GRM8: variants seen among roughly 807,000 people sequenced by gnomAD.
The protein encoded by GRM8 is metabotropic glutamate receptor 8.
Under a neutral mutation model 87.2 loss-of-function variants are expected in GRM8, and 47 were observed. That is an observed-to-expected ratio of 0.54 (90% CI 0.43 to 0.69). The LOEUF (loss-of-function observed/expected upper bound fraction) is 0.69, where lower values mean the gene tolerates loss of function less well. Ranked by LOEUF, GRM8 falls within the 30% of genes least tolerant of loss-of-function variation. The probability of loss-of-function intolerance (pLI) is 0.00; values close to 1 mark genes in which losing one functional copy is unlikely to be tolerated. For synonymous variants in GRM8, 396 were observed against 404.5 expected (o/e 0.98, Z 0.25); for missense variants, 1,019 against 1,139.2 (o/e 0.89, Z 1.52).
At chr7:126,492,878 T>C (rs1808197129) in intron 9 of GRM8, among the ~76,000 whole-genome samples, 1 of 152,010 alleles carries the variant, frequency 6.6e-6, no homozygotes. Context: ...ACACATGATA[T>C]ATGCATTTGA....
chr7:126,829,933 G>A (rs370109705), intron 6 of GRM8, among the ~76,000 whole-genome samples: 3 of 152,054 alleles, frequency 2.0e-5, no homozygotes, highest in Non-Finnish European at 4.4e-5. Context: ...GCTTGTCTGT[G>A]AAGTATTTTA....
intron 3 of GRM8, among the ~76,000 whole-genome samples, chr7:127,026,112 T>G (rs1024800128): frequency 1.3e-5 from 2 of 152,158 alleles, no homozygotes. Flanking sequence ...CTTGGTTTTC[T>G]GTCCTTGTGA....
At chr7:126,785,324 T>G (rs868273204) in intron 6 of GRM8, among the ~76,000 whole-genome samples, 1 of 152,194 alleles carries the variant, frequency 6.6e-6, no homozygotes, top group Non-Finnish European at 1.5e-5. Flanking sequence ...TTTATGCTTC[T>G]ACTTCCTTAT....
intron 9 of GRM8, among the ~76,000 whole-genome samples, chr7:126,471,144 T>G (rs1805162831): frequency 6.6e-6 from 1 of 151,848 alleles, no homozygotes; most frequent in Non-Finnish European, 1.5e-5. Flanking sequence ...GTGGGTTGCC[T>G]GTTCACTCTG....
intron 3 of GRM8, among the ~76,000 whole-genome samples, chr7:127,039,161 A>C (rs1348744116): frequency 6.6e-6 from 1 of 152,228 alleles, no homozygotes; most frequent in African/African-American, 2.4e-5. Context: ...CTAAACATTC[A>C]TATGTTGAAG....
At chr7:126,706,259 T>A (rs1307086611) in intron 7 of GRM8, among the ~76,000 whole-genome samples, 1 of 152,078 alleles carries the variant, frequency 6.6e-6, no homozygotes, top group Non-Finnish European at 1.5e-5. Context: ...ATAAATACAA[T>A]TTGATATAAA....
intron 6 of GRM8, among the ~76,000 whole-genome samples, chr7:126,852,500 T>C (rs988514820): frequency 1.3e-5 from 2 of 152,184 alleles, no homozygotes; most frequent in African/African-American, 4.8e-5. Flanking sequence ...TTTATCCTAA[T>C]TAAATTATCC....
At chr7:126,892,194 C>A (rs1171866374) in intron 6 of GRM8, among the ~76,000 whole-genome samples, 1 of 151,322 alleles carries the variant, frequency 6.6e-6, no homozygotes, top group Non-Finnish European at 1.5e-5. Flanking sequence ...GCACAATGTG[C>A]AGGTTATTTA....
At chr7:127,111,512 G>A (rs1826347429) in intron 2 of GRM8, among the ~76,000 whole-genome samples, 1 of 151,960 alleles carries the variant, frequency 6.6e-6, no homozygotes, top group Non-Finnish European at 1.5e-5. Context: ...CCTTTTTCAT[G>A]ATCCTCCCTC....
chr7:126,785,312 C>A (rs187736805), intron 6 of GRM8, among the ~76,000 whole-genome samples: 1 of 152,080 alleles, frequency 6.6e-6, no homozygotes, highest in African/African-American at 2.4e-5. Context: ...TTTAGAAGAG[C>A]CTTTATGCTT....
At chr7:126,545,794 G>A (rs1477705287) in intron 8 of GRM8, among the ~76,000 whole-genome samples, 1 of 151,962 alleles carries the variant, frequency 6.6e-6, no homozygotes, top group Non-Finnish European at 1.5e-5. Flanking sequence ...CTCCCTAATG[G>A]CAATTCTGCA....
intron 9 of GRM8, among the ~76,000 whole-genome samples, chr7:126,469,918 G>A (rs890593156): frequency 7.9e-5 from 12 of 152,096 alleles, no homozygotes; most frequent in African/African-American, 1.7e-4. Flanking sequence ...TGGAAGTCTC[G>A]GAAGAAGACA....
rs200334314 is a variant in GRM8, at chr7:126,903,936, C to A, written c.1018+36G>T. On this transcript the variant is annotated intron_variant, in intron 5 of 10. Coordinates refer to ENST00000339582, the MANE Select transcript of GRM8 (RefSeq NM_000845.3). ...GTTTTGCCTTTGAGTTCAGATCCAA[C>A]TGGAATAAAACAAATTCTCTATGGT... The A allele has an allele frequency of 1.9e-4, 254 of 1,324,694 alleles. 2 individuals carry two copies. In the African/African-American group the frequency reaches 2.2e-3, roughly 12 times the overall value. 82.1% of individuals were successfully genotyped at this position (1,324,694 alleles called of 1,614,324 possible). A position where few individuals can be genotyped will look rare whatever the true frequency, so the allele number is the denominator to read the frequency against.
At chr7:126,597,285 C>A (rs1053976595) in intron 8 of GRM8, among the ~76,000 whole-genome samples, 11 of 151,974 alleles carry the variant, frequency 7.2e-5, no homozygotes, top group African/African-American at 2.7e-4. Flanking sequence ...TTTTGTCTTG[C>A]TTTTATAAAT....
chr7:127,106,859 T>C (rs1295837579), intron 2 of GRM8, 147 bp from the exon 3 acceptor site: 4 of 633,230 alleles, frequency 6.3e-6, no homozygotes, highest in South Asian at 3.8e-5. Flanking sequence ...ACCAATTTAA[T>C]TGGAAAGTAT....
intron 9 of GRM8, among the ~76,000 whole-genome samples, chr7:126,479,620 T>G (rs1806419519): frequency 6.6e-6 from 1 of 152,068 alleles, no homozygotes; most frequent in Non-Finnish European, 1.5e-5. Flanking sequence ...TATCCACCAG[T>G]CAGCTGATGT....
chr7:126,974,425 T>G (rs1810741464), intron 3 of GRM8, among the ~76,000 whole-genome samples: 1 of 151,960 alleles, frequency 6.6e-6, no homozygotes, highest in African/African-American at 2.4e-5. Flanking sequence ...ACTGTCTACA[T>G]GTATCCCATA....
intron 3 of GRM8, among the ~76,000 whole-genome samples, chr7:127,013,010 A>G (rs772751997): frequency 6.6e-6 from 1 of 152,198 alleles, no homozygotes; most frequent in Non-Finnish European, 1.5e-5. Context: ...CATTGAGGTC[A>G]TTGCTAAGAC....
intron 6 of GRM8, among the ~76,000 whole-genome samples, chr7:126,826,112 G>A (rs1231161027): frequency 1.3e-5 from 2 of 152,004 alleles, no homozygotes; most frequent in Non-Finnish European, 2.9e-5. Flanking sequence ...TCTTAATCCA[G>A]TCTATCATTG....
Sources: gnomAD v4.1 joint callset for allele counts (sites outside exome capture counted in the v4.1 genomes callset) on GRCh38, gnomAD v4.1.1 for gene constraint, MANE v1.5 for transcripts, NCBI Gene and HGNC (gene_info 2026-07-23, HGNC 2026-07-21) for gene names.